Variants in PTPRG observed in about 807,000 individuals in gnomAD.
The protein encoded by PTPRG is receptor-type tyrosine-protein phosphatase gamma.
PTPRG carries 102 observed loss-of-function variants against 165.3 expected under a neutral mutation model. That is an observed-to-expected ratio of 0.62 (90% CI 0.53 to 0.73). PTPRG has a LOEUF of 0.73. PTPRG is among the 30% of genes least tolerant of loss of function. The probability of loss-of-function intolerance (pLI) is 0.00; values close to 1 mark genes in which losing one functional copy is unlikely to be tolerated. For synonymous variants in PTPRG, 675 were observed against 669.5 expected, an observed-to-expected ratio of 1.01 and a Z score of -0.13; for missense variants, 1,866 against 1,861.4, an observed-to-expected ratio of 1.00 and a Z score of -0.05.
At chr3:62,086,421 G>T (rs991776054) in intron 5 of PTPRG, among the ~76,000 whole-genome samples, 1 of 151,880 alleles carries the variant, frequency 6.6e-6, no homozygotes, top group Non-Finnish European at 1.5e-5. Context: ...AAAAAAACAA[G>T]AACTATTTTT....
chr3:61,978,469 T>C (rs1211683048), intron 2 of PTPRG, among the ~76,000 whole-genome samples: 1 of 150,510 alleles, frequency 6.6e-6, no homozygotes, highest in Non-Finnish European at 1.5e-5. Context: ...CGTCTAGTTT[T>C]GGACCATTGC....
At chr3:61,823,945 G>T (rs138571851) in intron 2 of PTPRG, among the ~76,000 whole-genome samples, 6 of 152,012 alleles carry the variant, frequency 3.9e-5, no homozygotes, top group Non-Finnish European at 8.8e-5. Context: ...GCTAACACAG[G>T]GAAACCCCGT....
intron 4 of PTPRG, among the ~76,000 whole-genome samples, chr3:62,054,776 G>A (rs1043701988): frequency 4.6e-5 from 7 of 152,160 alleles, no homozygotes; most frequent in African/African-American, 1.2e-4. Flanking sequence ...TTTATGAAGC[G>A]TACGGGAGTA....
At chr3:61,825,478 A>C (rs556946276) in intron 2 of PTPRG, among the ~76,000 whole-genome samples, 47 of 152,338 alleles carry the variant, frequency 3.1e-4, no homozygotes, top group Non-Finnish European at 6.2e-4. Flanking sequence ...TATTGTTTTG[A>C]TGGTTTTACA....
intron 2 of PTPRG, among the ~76,000 whole-genome samples, chr3:61,956,621 C>T (rs951273678): frequency 1.3e-5 from 2 of 151,950 alleles, no homozygotes; most frequent in African/African-American, 4.8e-5. Context: ...TAAAAGCAGG[C>T]AAACAGAAGG....
chr3:61,672,344 G>C (rs12488203), intron 1 of PTPRG, among the ~76,000 whole-genome samples: 1 of 135,848 alleles, frequency 7.4e-6, no homozygotes, highest in Non-Finnish European at 1.6e-5. Context: ...CTGCAATCTC[G>C]GCACTTTGGG....
intron 2 of PTPRG, among the ~76,000 whole-genome samples, chr3:61,845,667 T>C (rs952492228): frequency 7.2e-5 from 11 of 152,248 alleles, no homozygotes; most frequent in African/African-American, 2.4e-4. Flanking sequence ...TTTGGTTCTC[T>C]GTTACACGGG....
chr3:61,812,010 C>A (rs1285682379), intron 2 of PTPRG, among the ~76,000 whole-genome samples: 1 of 152,136 alleles, frequency 6.6e-6, no homozygotes, highest in Non-Finnish European at 1.5e-5. Context: ...CAAAAAAAGG[C>A]TTTTATTTCA....
chr3:61,717,034 G>A (rs893698185), intron 1 of PTPRG, among the ~76,000 whole-genome samples: 1 of 152,144 alleles, frequency 6.6e-6, no homozygotes, highest in African/African-American at 2.4e-5. Context: ...ATGGTGACTT[G>A]TTTCTTTGTC....
chr3:61,811,552 A>G (rs1427166190), intron 2 of PTPRG, among the ~76,000 whole-genome samples: 2 of 152,204 alleles, frequency 1.3e-5, no homozygotes, highest in African/African-American at 4.8e-5. Context: ...ATCTAGGGCC[A>G]TGTAACTTGC....
At chr3:61,677,692 T>C (rs901700379) in intron 1 of PTPRG, among the ~76,000 whole-genome samples, 5 of 152,248 alleles carry the variant, frequency 3.3e-5, no homozygotes, top group Non-Finnish European at 7.3e-5. Flanking sequence ...TTTTCTGTTC[T>C]TACTTTGATT....
chr3:61,606,460 C>T (rs917889028), intron 1 of PTPRG, among the ~76,000 whole-genome samples: 5 of 152,164 alleles, frequency 3.3e-5, no homozygotes, highest in African/African-American at 1.2e-4. Flanking sequence ...CTGATCAGGG[C>T]CATTGATATA....
At chr3:61,774,031 T>C (rs2034294968) in intron 2 of PTPRG, among the ~76,000 whole-genome samples, 3 of 152,276 alleles carry the variant, frequency 2.0e-5, no homozygotes, top group African/African-American at 7.2e-5. Flanking sequence ...CGCCTCAGCC[T>C]CCCAAAGTGC....
chr3:61,827,554 C>G (rs147097061), intron 2 of PTPRG, among the ~76,000 whole-genome samples: 12 of 152,324 alleles, frequency 7.9e-5, no homozygotes, highest in Admixed American at 1.3e-4. Flanking sequence ...CATCCCTGAT[C>G]TGTCCTTCAG....
chr3:61,778,219 T>C (rs754907022), intron 2 of PTPRG, among the ~76,000 whole-genome samples: 1 of 152,158 alleles, frequency 6.6e-6, no homozygotes, highest in Non-Finnish European at 1.5e-5. Flanking sequence ...AATGAAAGTA[T>C]ACTTTACAGG....
rs1376477811 is a variant in PTPRG at position 61,829,262 on chromosome 3, C to T, written c.190+80280C>T. Among the ~76,000 whole-genome samples, 18 of 152,214 alleles carry T rather than the reference C, an allele frequency of 1.2e-4. 1 individual carries two copies. The highest frequency in any genetic ancestry group is 1.2e-3 in the Admixed American group (18 of 15,284). The stretch of plus-strand genomic sequence containing the variant: ...CTCGCTGAGCCCTCCACAAATAGTA[C>T]ATTAATGTCAAGGAAGTGTTGAGGA... On this transcript the variant is annotated intron_variant, in intron 2 of 29. Transcript: ENST00000474889.
intron 2 of PTPRG, among the ~76,000 whole-genome samples, chr3:61,861,458 C>T (rs2037268902): frequency 6.6e-6 from 1 of 152,210 alleles, no homozygotes; most frequent in South Asian, 2.1e-4. Flanking sequence ...TGTCTTGCCA[C>T]AGTTCCCTGT....
At chr3:62,186,567 C>CCTTTTTTTTTTTTTTT (rs1705895088) in intron 8 of PTPRG, among the ~76,000 whole-genome samples, 1 of 117,542 alleles carries the variant, frequency 8.5e-6, no homozygotes, top group African/African-American at 3.5e-5. Context: ...TTTTCTTTTC[C>CCTTTTTTTTTTTTTTT]TTTTTTTTTT....
rs142666851 is a variant in PTPRG, at chr3:61,574,859, G to A, written c.85+12487G>A. Among the ~76,000 whole-genome samples, 879 of 152,220 alleles carry A rather than the reference G, an allele frequency of 5.8e-3. 5 individuals are homozygous for A. The highest frequency in any genetic ancestry group is 0.02 in the African/African-American group (842 of 41,538). On this transcript the variant is annotated intron_variant, in intron 1 of 29. Transcript: ENST00000474889. ...AAAACCCAAGTGATGCCCTGGCTTC[G>A]TAACAACCCCGCTCAAGGGAACTAA...
Sources: allele counts gnomAD v4.1 joint callset (sites outside exome capture counted in the v4.1 genomes callset), GRCh38; gene constraint gnomAD v4.1.1; transcripts MANE v1.5; gene names NCBI Gene and HGNC (gene_info 2026-07-23, HGNC 2026-07-21).